Variants in INPP4B observed in about 807,000 individuals in gnomAD.
INPP4B encodes the protein inositol polyphosphate 4-phosphatase type II.
INPP4B carries 55 observed loss-of-function variants against 122.5 expected under a neutral mutation model. That is an observed-to-expected ratio of 0.45 (90% CI 0.36 to 0.56). INPP4B has a LOEUF of 0.56. INPP4B is among the 20% of genes least tolerant of loss of function. INPP4B has a pLI of 0.00. For missense variants in INPP4B, 1,000 were observed against 1,097.7 expected (o/e 0.91, Z 1.26); for synonymous variants, 403 against 388.7 (o/e 1.04, Z -0.43).
At chr4:142,712,698 T>C (rs1329275040) in intron 2 of INPP4B, among the ~76,000 whole-genome samples, 3 of 152,220 alleles carry the variant, frequency 2.0e-5, no homozygotes, top group Non-Finnish European at 2.9e-5. Flanking sequence ...TTTGTTACCA[T>C]ATAAATGTCA....
At chr4:142,348,418 G>T (rs1780951190) in intron 7 of INPP4B, among the ~76,000 whole-genome samples, 1 of 151,966 alleles carries the variant, frequency 6.6e-6, no homozygotes, top group South Asian at 2.1e-4. Flanking sequence ...AAACAGAGAA[G>T]TCATTAAACC....
At chr4:142,114,737 T>A (rs1220748668) in intron 21 of INPP4B, among the ~76,000 whole-genome samples, 1 of 152,062 alleles carries the variant, frequency 6.6e-6, no homozygotes, top group Non-Finnish European at 1.5e-5. Context: ...TACTTAATGG[T>A]GTTCTTTTGA....
intron 18 of INPP4B, among the ~76,000 whole-genome samples, chr4:142,128,720 C>T (rs1799836845): frequency 6.6e-6 from 1 of 152,132 alleles, no homozygotes; most frequent in African/African-American, 2.4e-5. Flanking sequence ...CCTCTACTTG[C>T]TTCTCCGGCA....
In INPP4B at chr4:142,233,826, A is replaced by G. The variant is rs189687027; in HGVS notation, c.836+4038T>C. Among the ~76,000 whole-genome samples the G allele has an allele frequency of 1.3e-4, 20 of 152,064 alleles. No individual in the cohort carries two copies. In the East Asian group the frequency reaches 2.7e-3, roughly 21 times the overall value. ...CATAATATAATTTAATTTTTATATT[A>G]TATTACAAATGTAATTCTTAAACTA... On this transcript the variant is annotated intron_variant, in intron 12 of 25. Coordinates refer to ENST00000262992, the MANE Select transcript of INPP4B (RefSeq NM_001101669.3).
intron 7 of INPP4B, among the ~76,000 whole-genome samples, chr4:142,330,206 T>A (rs935525893): frequency 8.5e-5 from 13 of 152,278 alleles, no homozygotes; most frequent in African/African-American, 2.9e-4. Context: ...TAATGATGCA[T>A]GTGTGGAAGA....
chr4:142,340,580 T>A (rs527370685), intron 7 of INPP4B, among the ~76,000 whole-genome samples: 109 of 152,130 alleles, frequency 7.2e-4, no homozygotes, highest in African/African-American at 2.5e-3. Context: ...GCTAATTTTT[T>A]AAAAAATTGT....
chr4:142,299,145 T>A (rs1248601006), intron 9 of INPP4B, among the ~76,000 whole-genome samples: 1 of 148,784 alleles, frequency 6.7e-6, no homozygotes, highest in Non-Finnish European at 1.5e-5. Flanking sequence ...TCACTTTTTT[T>A]TTCTTTCTTT....
At chr4:142,314,500 T>G (rs1476829079) in intron 8 of INPP4B, among the ~76,000 whole-genome samples, 1 of 152,120 alleles carries the variant, frequency 6.6e-6, no homozygotes, top group East Asian at 1.9e-4. Context: ...CTGAACTAAA[T>G]ATGAATTCAC....
chr4:142,415,465 A>G (rs1805505495), intron 5 of INPP4B, among the ~76,000 whole-genome samples: 1 of 152,116 alleles, frequency 6.6e-6, no homozygotes, highest in Non-Finnish European at 1.5e-5. Context: ...ACCATCTCAC[A>G]CCAGTTAGAA....
intron 5 of INPP4B, among the ~76,000 whole-genome samples, chr4:142,406,624 C>T (rs976223803): frequency 6.6e-6 from 1 of 152,156 alleles, no homozygotes; most frequent in Non-Finnish European, 1.5e-5. Flanking sequence ...TAACTTCTTA[C>T]CAGACTTTCA....
intron 7 of INPP4B, among the ~76,000 whole-genome samples, chr4:142,325,779 A>T (rs1315509054): frequency 6.6e-6 from 1 of 152,188 alleles, no homozygotes; most frequent in Non-Finnish European, 1.5e-5. Context: ...ATTATACTAA[A>T]TTCTACCAGT....
chr4:142,805,797 G>A (rs1036726655), intron 1 of INPP4B, among the ~76,000 whole-genome samples: 1 of 152,136 alleles, frequency 6.6e-6, no homozygotes, highest in African/African-American at 2.4e-5. Flanking sequence ...TTACCAGGAA[G>A]ACTTCTGTTC....
chr4:142,052,130 T>C (rs1754952637), intron 25 of INPP4B, among the ~76,000 whole-genome samples: 1 of 152,014 alleles, frequency 6.6e-6, no homozygotes, highest in Non-Finnish European at 1.5e-5. Flanking sequence ...ACTATTTTTA[T>C]CAGACTACCA....
intron 25 of INPP4B, among the ~76,000 whole-genome samples, chr4:142,049,882 A>G (rs1227342955): frequency 6.6e-6 from 1 of 152,010 alleles, no homozygotes; most frequent in Non-Finnish European, 1.5e-5. Flanking sequence ...TCATTTTGTG[A>G]CAAAATTAAT....
chr4:142,175,191 T>G (rs915398717), intron 15 of INPP4B, among the ~76,000 whole-genome samples: 2 of 152,154 alleles, frequency 1.3e-5, no homozygotes, highest in Non-Finnish European at 2.9e-5. Context: ...TTACTGAATA[T>G]GTCTACTACA....
At chr4:142,128,892 A>G (rs1799933994) in intron 18 of INPP4B, among the ~76,000 whole-genome samples, 1 of 152,048 alleles carries the variant, frequency 6.6e-6, no homozygotes, top group African/African-American at 2.4e-5. Flanking sequence ...ATATCAACCA[A>G]CTGTAGCAGA....
chr4:142,381,691 T>C (rs562418296), intron 7 of INPP4B, among the ~76,000 whole-genome samples: 11 of 152,278 alleles, frequency 7.2e-5, no homozygotes, highest in African/African-American at 2.6e-4. Flanking sequence ...TTTTCTACAC[T>C]TAAATAATCC....
At position 142,028,529 on chromosome 4, in the gene INPP4B, A is replaced by T; in HGVS notation, c.*253T>A. On this transcript the variant is annotated 3_prime_UTR_variant, in exon 26 of 26. Coordinates refer to ENST00000262992, the MANE Select transcript of INPP4B (RefSeq NM_001101669.3). ...ATTTACACTTTGTGAACCAATCTCA[A>T]TCAGCTAGGCTCAACACATAGAAGC... 4.6e-6 allele frequency: 2 copies of T among 434,014 alleles called. 1 individual carries two copies. Among genetic ancestry groups the T allele is most frequent in the Non-Finnish European group, 8.2e-6 (2 of 244,370 alleles). 26.9% of individuals were successfully genotyped at this position (434,014 alleles called of 1,614,324 possible).
intron 15 of INPP4B, among the ~76,000 whole-genome samples, chr4:142,178,834 A>AAC: frequency 1.1e-3 from 1 of 940 alleles, no homozygotes; most frequent in East Asian, 0.083. Flanking sequence ...CCCTACTTGT[A>AAC]AAAAAAAAAA....
Sources: allele counts gnomAD v4.1 joint callset (sites outside exome capture counted in the v4.1 genomes callset), GRCh38; gene constraint gnomAD v4.1.1; transcripts MANE v1.5; gene names NCBI Gene and HGNC (gene_info 2026-07-23, HGNC 2026-07-21).